The following LIN7A variants were observed in gnomAD, a reference collection of about 807,000 sequenced individuals.
LIN7A encodes lin-7 cell polarity scaffold A.
A neutral mutation model predicts 29.8 loss-of-function variants in LIN7A; 25 were observed. That is an observed-to-expected ratio of 0.84 (90% CI 0.61 to 1.17). LIN7A has a LOEUF of 1.17. LIN7A is among the 50% of genes most tolerant of loss of function. LIN7A has a pLI of 0.00. For missense variants in LIN7A, 239 were observed against 287.0 expected (o/e 0.83, Z 1.21); for synonymous variants, 118 against 107.5 (o/e 1.10, Z -0.60).
intron 2 of LIN7A, among the ~76,000 whole-genome samples, chr12:80,858,157 G>C (rs998615108): frequency 6.6e-6 from 1 of 152,084 alleles, no homozygotes; most frequent in African/African-American, 2.4e-5. Flanking sequence ...GAATTAAAAT[G>C]ACCATGCCAC....
At chr12:80,925,309 T>A (rs991806270) in intron 1 of LIN7A, among the ~76,000 whole-genome samples, 2 of 152,210 alleles carry the variant, frequency 1.3e-5, no homozygotes. Context: ...GCAAATTAGG[T>A]GAGTATACAG....
At chr12:80,892,315 G>A (rs1875667318) in intron 1 of LIN7A, among the ~76,000 whole-genome samples, 1 of 152,152 alleles carries the variant, frequency 6.6e-6, no homozygotes, top group African/African-American at 2.4e-5. Flanking sequence ...ATGAATGAGG[G>A]ATTAATTGAT....
intron 2 of LIN7A, among the ~76,000 whole-genome samples, chr12:80,856,860 A>C (rs763839850): frequency 6.6e-6 from 1 of 151,906 alleles, no homozygotes; most frequent in Admixed American, 6.6e-5. Flanking sequence ...CAAAACAAAA[A>C]CTCCACTGAA....
intron 4 of LIN7A, among the ~76,000 whole-genome samples, chr12:80,827,581 T>A (rs953262722): frequency 6.6e-6 from 1 of 152,206 alleles, no homozygotes; most frequent in African/African-American, 2.4e-5. Context: ...ACTTCCCATG[T>A]ACAGGCAGGT....
chr12:80,860,026 C>A (rs1025384306), intron 2 of LIN7A, among the ~76,000 whole-genome samples: 4 of 152,104 alleles, frequency 2.6e-5, no homozygotes, highest in Non-Finnish European at 5.9e-5. Context: ...CATCATAATT[C>A]ATTTAATCAA....
At chr12:80,881,179 T>C (rs1875011698) in intron 2 of LIN7A, among the ~76,000 whole-genome samples, 1 of 152,134 alleles carries the variant, frequency 6.6e-6, no homozygotes, top group Admixed American at 6.5e-5. Context: ...CTATATTGTG[T>C]GATTTATTTT....
chr12:80,860,467 G>A (rs925224176), intron 2 of LIN7A, among the ~76,000 whole-genome samples: 1 of 152,178 alleles, frequency 6.6e-6, no homozygotes, highest in Admixed American at 6.5e-5. Context: ...AGTGCTTCAA[G>A]CAACAGAGTT....
intron 4 of LIN7A, among the ~76,000 whole-genome samples, chr12:80,839,873 T>C (rs940719836): frequency 2.6e-5 from 4 of 152,244 alleles, no homozygotes. Flanking sequence ...CTGTTATGCT[T>C]AAAAATCAAT....
chr12:80,923,595 T>G (rs932414614), intron 1 of LIN7A, among the ~76,000 whole-genome samples: 4 of 152,230 alleles, frequency 2.6e-5, no homozygotes, highest in Non-Finnish European at 4.4e-5. Flanking sequence ...GTTCCTTTTG[T>G]AAGCATTGTA....
At chr12:80,826,597 A>G (rs1872091353) in intron 4 of LIN7A, among the ~76,000 whole-genome samples, 1 of 151,946 alleles carries the variant, frequency 6.6e-6, no homozygotes, top group South Asian at 2.1e-4. Context: ...GTCTTGGCTC[A>G]CTGCAACTTT....
At chr12:80,893,228 T>TG (rs1875716914) in intron 1 of LIN7A, among the ~76,000 whole-genome samples, 1 of 152,170 alleles carries the variant, frequency 6.6e-6, no homozygotes. Context: ...AGTTTCAGAA[T>TG]GATTCATAAA....
chr12:80,798,381 A>C lies in LIN7A; in HGVS notation c.*1-655T>G, dbSNP rs546857691. On this transcript the variant is annotated intron_variant, in intron 5 of 5. Coordinates refer to ENST00000552864, the MANE Select transcript of LIN7A (RefSeq NM_004664.4). ...ATTTTTATTTCAATGAATGCCAAGC[A>C]CCATATTGAAAACAGATTTTAACAA... Among the ~76,000 whole-genome samples, 3 of 152,330 alleles carry C rather than the reference A, an allele frequency of 2.0e-5. No homozygotes were observed. In the South Asian group the frequency reaches 6.2e-4, roughly 32 times the overall value.
At chr12:80,807,083 T>TTTTTTTTGTTTTTTG (rs1555221412) in intron 5 of LIN7A, among the ~76,000 whole-genome samples, 1 of 137,206 alleles carries the variant, frequency 7.3e-6, no homozygotes, top group Non-Finnish European at 1.6e-5. Flanking sequence ...TTTTTTTTTT[T>TTTTTTTTGTTTTTTG]TTTTTTTTGA....
chr12:80,802,079 G>C (rs373338327), intron 5 of LIN7A, among the ~76,000 whole-genome samples: 2 of 151,942 alleles, frequency 1.3e-5, no homozygotes, highest in East Asian at 3.9e-4. Context: ...ATTTTTAGTA[G>C]AGACAGGGTT....
At chr12:80,876,338 C>T (rs150705948) in intron 2 of LIN7A, among the ~76,000 whole-genome samples, 161 of 152,160 alleles carry the variant, frequency 1.1e-3, no homozygotes, top group African/African-American at 3.5e-3. Flanking sequence ...AACTTCAGTA[C>T]GCAATAAAGG....
At chr12:80,837,397 A>G (rs1471867685) in intron 4 of LIN7A, among the ~76,000 whole-genome samples, 1 of 152,196 alleles carries the variant, frequency 6.6e-6, no homozygotes, top group Non-Finnish European at 1.5e-5. Context: ...ACTCACAAGT[A>G]TCCTTATAGA....
chr12:80,812,311 A>G (rs1380304270), intron 4 of LIN7A, among the ~76,000 whole-genome samples: 2 of 152,142 alleles, frequency 1.3e-5, no homozygotes, highest in African/African-American at 4.8e-5. Context: ...TAACATAAAA[A>G]CATAAAGTAA....
rs192666189 is a variant in LIN7A at position 80,880,435 on chromosome 12, A to G, written c.201+8816T>C. On this transcript the variant is annotated intron_variant, in intron 2 of 5. Coordinates refer to ENST00000552864, the MANE Select transcript of LIN7A (RefSeq NM_004664.4). ...ATTGGAAAGCCAAAAAACTTCTGAT[A>G]GTAAAAATAATACATTTTGCTTCAT... 2.1e-3 allele frequency among the ~76,000 whole-genome samples: 318 copies of G among 152,344 alleles called. 1 individual carries two copies. The highest frequency in any genetic ancestry group is 7.1e-3 in the African/African-American group (297 of 41,580).
intron 1 of LIN7A, 60 bp from the exon 2 acceptor site, chr12:80,889,429 AG>A: frequency 1.9e-6 from 2 of 1,035,090 alleles, no homozygotes; most frequent in Non-Finnish European, 3.0e-6. Context: ...ATCAGCTGAA[AG>A]TACTATTATT....
Sources: gnomAD v4.1 joint callset for allele counts (sites outside exome capture counted in the v4.1 genomes callset) on GRCh38, gnomAD v4.1.1 for gene constraint, MANE v1.5 for transcripts, NCBI Gene and HGNC (gene_info 2026-07-23, HGNC 2026-07-21) for gene names.